The following MRRF variants were observed in gnomAD, a reference collection of about 807,000 sequenced individuals.
MRRF encodes the protein ribosome-recycling factor, mitochondrial.
A neutral mutation model predicts 25.1 loss-of-function variants in MRRF; 18 were observed. That is an observed-to-expected ratio of 0.72 (90% CI 0.50 to 1.06). The LOEUF is 1.06. Among genes scored for constraint, MRRF ranks in the 50% least tolerant of loss-of-function variants. The probability of loss-of-function intolerance (pLI) is 0.00; values close to 1 mark genes in which losing one functional copy is unlikely to be tolerated. For synonymous variants in MRRF, 113 were observed against 112.1 expected (o/e 1.01, Z -0.05); for missense variants, 323 against 319.3 (o/e 1.01, Z -0.09).
intron 3 of MRRF, among the ~76,000 whole-genome samples, chr9:122,281,276 G>A (rs9695213): frequency 0.19 from 28,487 of 152,144 alleles, 3,208 homozygotes; most frequent in African/African-American, 0.32. Context: ...GAAAAATCCA[G>A]TTGCTGTTAA....
At chr9:122,282,647 A>G (rs1241974379) in intron 3 of MRRF, among the ~76,000 whole-genome samples, 2 of 152,344 alleles carry the variant, frequency 1.3e-5, no homozygotes, top group South Asian at 2.1e-4. Flanking sequence ...TAACTATCTC[A>G]TAGAGTTAAT....
intron 1 of MRRF, among the ~76,000 whole-genome samples, chr9:122,267,102 G>A (rs968437526): frequency 3.4e-5 from 5 of 145,194 alleles, no homozygotes; most frequent in African/African-American, 7.7e-5. Context: ...AATTCAGGCC[G>A]GCGCAGTGGC....
rs984586158 is a variant in MRRF, at chr9:122,330,905, G to A, written c.*8288G>A. On this transcript the variant is annotated 3_prime_UTR_variant, in exon 7 of 7. Transcript: ENST00000344641. This position sits in a 1 kb window ranked among gnomAD's most constrained non-coding sequence, Gnocchi z 4.2. ...AGATTGCACCACTGCACTGCAGCAT[G>A]GGCAACAGAGCGAGACTCTGTCTCC... The A allele has an allele frequency of 1.3e-5, 2 of 152,414 alleles. No individual in the cohort carries two copies. Among genetic ancestry groups the A allele is most frequent in the South Asian group, 4.1e-4 (2 of 4,828 alleles). The allele number at this position is 152,414 out of a possible 1,614,324, so 9.4% of individuals were successfully genotyped here. A position where few individuals can be genotyped will look rare whatever the true frequency, so the allele number is the denominator to read the frequency against.
At chr9:122,296,113 G>A (rs1380794813) in intron 5 of MRRF, among the ~76,000 whole-genome samples, 2 of 152,076 alleles carry the variant, frequency 1.3e-5, no homozygotes, top group Non-Finnish European at 2.9e-5. Context: ...CAGCCTCTGA[G>A]ACTCAGCTCT....
chr9:122,280,492 G>A lies in MRRF; in HGVS notation c.234G>A (p.Leu78=). The A allele has an allele frequency of 1.9e-6, 3 of 1,614,092 alleles. No homozygotes were observed. Among genetic ancestry groups the A allele is most frequent in the South Asian group, 2.2e-5 (2 of 91,080 alleles). Residue 78 remains leucine, a synonymous_variant, in exon 3 of 7, where the codon TTG becomes TTA. Coordinates refer to ENST00000344641, the MANE Select transcript of MRRF (RefSeq NM_138777.5). ...CCAGAGTGAATATTAATGCTGCCTT[G>A]GTTGAGGATATAATCAACTTGGAAG... ...SQTRVNINAA[L]VEDIINLEEV... is the part of the protein sequence containing the mutation.
chr9:122,300,821 T>C (rs1834401573), intron 5 of MRRF, among the ~76,000 whole-genome samples: 1 of 152,226 alleles, frequency 6.6e-6, no homozygotes. Flanking sequence ...TGATTGTTAA[T>C]AAGCACTTGG....
chr9:122,309,343 C>T (rs932502633), intron 5 of MRRF, among the ~76,000 whole-genome samples: 3 of 152,214 alleles, frequency 2.0e-5, no homozygotes, highest in Admixed American at 2.0e-4. Context: ...GAAGGGCTTA[C>T]AAAGCCTTGC....
intron 5 of MRRF, among the ~76,000 whole-genome samples, chr9:122,295,003 A>G (rs1833999705): frequency 6.6e-6 from 1 of 152,186 alleles, no homozygotes; most frequent in South Asian, 2.1e-4. Context: ...AAAGCAGAAA[A>G]GTATAATGGT....
chr9:122,280,968 A>G (rs1833065741), intron 3 of MRRF, among the ~76,000 whole-genome samples: 1 of 152,218 alleles, frequency 6.6e-6, no homozygotes, highest in Non-Finnish European at 1.5e-5. Context: ...TGAGATTTTT[A>G]TTATGAATGT....
intron 6 of MRRF, among the ~76,000 whole-genome samples, chr9:122,318,841 C>T (rs2119001499): frequency 6.6e-6 from 1 of 152,294 alleles, no homozygotes; most frequent in South Asian, 2.1e-4. Flanking sequence ...GTTTCTTCAT[C>T]CATAAAGTGG....
Position 122,322,624 on chromosome 9 carries a change from A to C in MRRF, c.*7A>C. The C allele has an allele frequency of 2.5e-6, 4 of 1,613,920 alleles. No individual in the cohort carries two copies. The highest frequency in any genetic ancestry group is 2.5e-6 in the Non-Finnish European group (3 of 1,179,858). On this transcript the variant is annotated 3_prime_UTR_variant, in exon 7 of 7. Transcript: ENST00000344641. ...CAAAGAACTCCTTGGATGAAAGTCC[A>C]CTGGGGCCAGCAATACTCCAGAGCC...
chr9:122,298,640 C>T (rs1183374897), intron 5 of MRRF, among the ~76,000 whole-genome samples: 1 of 152,142 alleles, frequency 6.6e-6, no homozygotes, highest in African/African-American at 2.4e-5. Context: ...CTAGGACATT[C>T]GTAAATTTAC....
At position 122,265,334 on chromosome 9, in the gene MRRF, A is replaced by C. The variant is rs1462482853; in HGVS notation, c.-29+396A>C. 2 of 183,520 alleles carry C rather than the reference A, an allele frequency of 1.1e-5. 1 individual carries two copies. Among genetic ancestry groups the C allele is most frequent in the Admixed American group, 1.1e-4 (2 of 17,470 alleles). 11.4% of individuals were successfully genotyped at this position (183,520 alleles called of 1,614,324 possible). A position where few individuals can be genotyped will look rare whatever the true frequency, so the allele number is the denominator to read the frequency against. Reference sequence around the variant, plus strand: ...GGCGCTTAAATTCAGACCTAGGGCTATCCGACTCCTAAGCCTGGACTTTTA... The same window carrying C: ...GGCGCTTAAATTCAGACCTAGGGCTCTCCGACTCCTAAGCCTGGACTTTTA... On this transcript the variant is annotated intron_variant, in intron 1 of 6. Transcript: ENST00000344641.
chr9:122,313,105 G>C (rs1259287220), intron 5 of MRRF, 122 bp from the exon 6 acceptor site: 1 of 1,022,260 alleles, frequency 9.8e-7, no homozygotes, highest in Middle Eastern at 2.3e-4. Context: ...GAAATTCCAG[G>C]AGTTCAGCCC....
chr9:122,268,696 A>G (rs1832268374), intron 1 of MRRF, among the ~76,000 whole-genome samples: 1 of 152,202 alleles, frequency 6.6e-6, no homozygotes, highest in Admixed American at 6.5e-5. Context: ...TCCAAACTTG[A>G]CCTCAATTAA....
chr9:122,288,237 T>G (rs1351549305), intron 4 of MRRF, among the ~76,000 whole-genome samples: 2 of 150,178 alleles, frequency 1.3e-5, no homozygotes, highest in Non-Finnish European at 3.0e-5. Flanking sequence ...ACAAGCCAAA[T>G]GAAAAAAAAT....
chr9:122,278,680 G>T (rs1438998471), intron 2 of MRRF, among the ~76,000 whole-genome samples: 1 of 152,162 alleles, frequency 6.6e-6, no homozygotes, highest in Non-Finnish European at 1.5e-5. Flanking sequence ...CAAAGTTGAA[G>T]ATATTATTTC....
Position 122,322,642 on chromosome 9 carries a change from C to T in MRRF, c.*25C>T. 1.2e-6 allele frequency: 2 copies of T among 1,608,570 alleles called. No individual in the cohort carries two copies. Among genetic ancestry groups the T allele is most frequent in the Non-Finnish European group, 1.7e-6 (2 of 1,175,208 alleles). On this transcript the variant is annotated 3_prime_UTR_variant, in exon 7 of 7. Transcript: ENST00000344641. Reference sequence around the variant, plus strand: ...AAAGTCCACTGGGGCCAGCAATACTCCAGAGCCCAGTTTCTGCTGGATCCC... The same window carrying T: ...AAAGTCCACTGGGGCCAGCAATACTTCAGAGCCCAGTTTCTGCTGGATCCC...
rs192923629 is a variant in MRRF at position 122,305,654 on chromosome 9, G to T, written c.552-7573G>T. On this transcript the variant is annotated intron_variant, in intron 5 of 6. Coordinates refer to ENST00000344641, the MANE Select transcript of MRRF (RefSeq NM_138777.5). Reference sequence around the variant, plus strand: ...AGATGACACTGGGGTCAGGTGGCTGGGCAAATATAAGTGGGCCTTGCTGTG... The same window carrying T: ...AGATGACACTGGGGTCAGGTGGCTGTGCAAATATAAGTGGGCCTTGCTGTG... Among the ~76,000 whole-genome samples the T allele has an allele frequency of 7.0e-4, 107 of 152,224 alleles. 2 individuals carry two copies. The highest frequency in any genetic ancestry group is 6.9e-3 in the Admixed American group (106 of 15,292).
Sources: allele counts gnomAD v4.1 joint callset (sites outside exome capture counted in the v4.1 genomes callset), GRCh38; gene constraint gnomAD v4.1.1; non-coding constraint Gnocchi (gnomAD v3.1); transcripts MANE v1.5; gene names NCBI Gene and HGNC (gene_info 2026-07-23, HGNC 2026-07-21).